Variants in CDC42SE2 observed in about 807,000 individuals in gnomAD.
CDC42SE2 encodes the protein CDC42 small effector protein 2.
Under a neutral mutation model 11.5 loss-of-function variants are expected in CDC42SE2, and 3 were observed. The ratio of observed to expected loss-of-function variants is 0.26; its 90% CI spans 0.12 to 0.67. The LOEUF is 0.67. CDC42SE2 is among the 30% of genes least tolerant of loss of function. The pLI is 0.80. For synonymous variants in CDC42SE2, 33 were observed against 34.8 expected (o/e 0.95, Z 0.18); for missense variants, 82 against 106.8 (o/e 0.77, Z 1.02).
chr5:131,289,288 T>G (rs772559333), intron 1 of CDC42SE2, among the ~76,000 whole-genome samples: 33 of 152,226 alleles, frequency 2.2e-4, no homozygotes, highest in South Asian at 6.2e-4. Flanking sequence ...GGTTTTATTT[T>G]TAATTCTAAG....
intron 2 of CDC42SE2, among the ~76,000 whole-genome samples, chr5:131,320,781 A>T (rs180852569): frequency 7.5e-4 from 115 of 152,324 alleles, no homozygotes; most frequent in South Asian, 6.4e-3. Flanking sequence ...TTAATACATT[A>T]TAATTCTGGT....
intron 1 of CDC42SE2, among the ~76,000 whole-genome samples, chr5:131,299,178 G>A (rs555939463): frequency 2.6e-5 from 4 of 152,290 alleles, no homozygotes; most frequent in South Asian, 2.1e-4. Context: ...GAAGTCATAC[G>A]AGGAGACTTT....
chr5:131,308,029 C>G (rs1757816527), intron 1 of CDC42SE2, among the ~76,000 whole-genome samples: 1 of 152,156 alleles, frequency 6.6e-6, no homozygotes, highest in Admixed American at 6.6e-5. Flanking sequence ...CCTGTTCACT[C>G]TGATGGTAGT....
At chr5:131,334,358 T>C (rs1281010953) in intron 2 of CDC42SE2, among the ~76,000 whole-genome samples, 1 of 152,202 alleles carries the variant, frequency 6.6e-6, no homozygotes, top group Non-Finnish European at 1.5e-5. Context: ...TTGCTGGATT[T>C]GGTTTGCCAG....
chr5:131,350,777 A>C (rs1758989269), intron 2 of CDC42SE2, among the ~76,000 whole-genome samples: 1 of 152,058 alleles, frequency 6.6e-6, no homozygotes, highest in East Asian at 1.9e-4. Context: ...TGAAAATGCA[A>C]AGGACCTAGA....
At chr5:131,372,600 G>C (rs763027368) in intron 3 of CDC42SE2, among the ~76,000 whole-genome samples, 6 of 152,056 alleles carry the variant, frequency 3.9e-5, no homozygotes, top group Non-Finnish European at 5.9e-5. Context: ...TGTAGTCCCA[G>C]CTACTCGGGA....
chr5:131,259,295 T>C (rs1379547855), upstream of CDC42SE2, among the ~76,000 whole-genome samples: 4 of 152,212 alleles, frequency 2.6e-5, no homozygotes, highest in African/African-American at 7.2e-5. Flanking sequence ...TCAATAGATA[T>C]ACTGTATGTT....
intron 2 of CDC42SE2, among the ~76,000 whole-genome samples, chr5:131,323,875 C>A (rs73786648): frequency 2.0e-5 from 3 of 151,932 alleles, no homozygotes; most frequent in Admixed American, 6.5e-5. Flanking sequence ...ATAAATTGTT[C>A]AAGAGCAAGA....
At chr5:131,223,159 C>T in the CDC42SE2 span, among the ~76,000 whole-genome samples, 2 of 152,090 alleles carry the variant, frequency 1.3e-5, no homozygotes, top group Non-Finnish European at 2.9e-5. Flanking sequence ...CTTTCCAATC[C>T]TATATGGAAC....
chr5:131,336,143 A>G (rs1404658650), intron 2 of CDC42SE2, among the ~76,000 whole-genome samples: 1 of 151,952 alleles, frequency 6.6e-6, no homozygotes, highest in Non-Finnish European at 1.5e-5. Flanking sequence ...TTCCTTCAGG[A>G]GCTCTTTTAG....
In CDC42SE2 at chr5:131,309,117, C is replaced by T. The variant is rs553633156; in HGVS notation, c.-454-6859C>T. ...TAGCTCTTATTCTTTTGAAATACAT[C>T]CCATCAATACCTAATTTATTGAGAG... On this transcript the variant is annotated intron_variant, in intron 1 of 4. Transcript: ENST00000505065. Among the ~76,000 whole-genome samples, 5 of 152,232 alleles carry T rather than the reference C, an allele frequency of 3.3e-5. No individual in the cohort carries two copies. The East Asian group carries it at 9.6e-4, about 29-fold the overall frequency.
chr5:131,247,960 A>G (rs1228964028), intron 1 of CDC42SE2, among the ~76,000 whole-genome samples: 2 of 151,470 alleles, frequency 1.3e-5, no homozygotes, highest in African/African-American at 4.8e-5. Flanking sequence ...GTATTTTACA[A>G]AATTTGATAG....
intron 2 of CDC42SE2, among the ~76,000 whole-genome samples, chr5:131,336,151 T>C (rs1239048084): frequency 6.6e-6 from 1 of 152,246 alleles, no homozygotes; most frequent in South Asian, 2.1e-4. Context: ...GGAGCTCTTT[T>C]AGGGCAGGCC....
chr5:131,288,906 T>G (rs1474312115), intron 1 of CDC42SE2, among the ~76,000 whole-genome samples: 1 of 152,226 alleles, frequency 6.6e-6, no homozygotes, highest in East Asian at 1.9e-4. Context: ...TGTTGTTCCT[T>G]CTACCCCCAC....
chr5:131,242,982 T>C (rs1265013636), upstream of CDC42SE2, among the ~76,000 whole-genome samples: 1 of 152,202 alleles, frequency 6.6e-6, no homozygotes, highest in African/African-American at 2.4e-5. Flanking sequence ...TGCAAATTAC[T>C]AGTAAAGGAT....
chr5:131,381,784 A>G (rs1339954126), intron 3 of CDC42SE2, among the ~76,000 whole-genome samples: 2 of 152,238 alleles, frequency 1.3e-5, no homozygotes, highest in Non-Finnish European at 2.9e-5. Flanking sequence ...TAGTCTTCTC[A>G]AGCTATTTAA....
At chr5:131,329,558 C>G (rs568860042) in intron 2 of CDC42SE2, among the ~76,000 whole-genome samples, 2 of 152,126 alleles carry the variant, frequency 1.3e-5, no homozygotes, top group South Asian at 4.2e-4. Flanking sequence ...AAAATATACA[C>G]AAGCTATATG....
intron 1 of CDC42SE2, among the ~76,000 whole-genome samples, chr5:131,271,686 A>G (rs1040494166): frequency 2.0e-5 from 3 of 152,168 alleles, no homozygotes; most frequent in Non-Finnish European, 4.4e-5. Context: ...CATTGCTGCC[A>G]TCACCTCTTT....
chr5:131,331,034 T>A (rs1758410978), intron 2 of CDC42SE2, among the ~76,000 whole-genome samples: 1 of 151,722 alleles, frequency 6.6e-6, no homozygotes, highest in African/African-American at 2.4e-5. Context: ...TCAAAAAAAA[T>A]AAAATTATCT....
Sources: allele counts gnomAD v4.1 joint callset (sites outside exome capture counted in the v4.1 genomes callset), GRCh38; gene constraint gnomAD v4.1.1; transcripts MANE v1.5; gene names NCBI Gene and HGNC (gene_info 2026-07-23, HGNC 2026-07-21).